The following SLCO2A1 variants were observed in gnomAD, a reference collection of about 807,000 sequenced individuals.
SLCO2A1 encodes the protein solute carrier organic anion transporter family member 2A1.
SLCO2A1 carries 60 observed loss-of-function variants against 71.7 expected under a neutral mutation model. The ratio of observed to expected loss-of-function variants is 0.84; its 90% CI spans 0.68 to 1.04. The LOEUF is 1.04. Among genes scored for constraint, SLCO2A1 ranks in the 50% least tolerant of loss-of-function variants. SLCO2A1 has a pLI of 0.00. For synonymous variants in SLCO2A1, 308 were observed against 326.7 expected, an observed-to-expected ratio of 0.94 and a Z score of 0.62; for missense variants, 745 against 813.4, an observed-to-expected ratio of 0.92 and a Z score of 1.02.
rs543786703 is a variant in SLCO2A1, at chr3:134,009,977, A to G, written c.96+19730T>C. ...AAAATGTGGGCAATGCATACCTCAC[A>G]GTATGGCAGGGAGGGTTTGGTCAGT... On this transcript the variant is annotated intron_variant, in intron 1 of 13. Coordinates refer to ENST00000310926, the MANE Select transcript of SLCO2A1 (RefSeq NM_005630.3). 3.3e-5 allele frequency among the ~76,000 whole-genome samples: 5 copies of G among 152,340 alleles called. No homozygotes were observed. The East Asian group carries it at 9.6e-4, about 29-fold the overall frequency.
intron 1 of SLCO2A1, among the ~76,000 whole-genome samples, chr3:133,988,451 G>GT (rs1398871606): frequency 6.6e-6 from 1 of 152,144 alleles, no homozygotes; most frequent in Admixed American, 6.5e-5. Flanking sequence ...CCAAACCAAT[G>GT]TATTTCTTGA....
chr3:133,935,857 G>A lies in SLCO2A1; in HGVS notation c.1731C>T (p.Asp577=), dbSNP rs1293225487. ...GCGAGTTCCACCGGATGCAGGAGTGGTCAATGGTGAGGCCATAGAGGGCTG... is the reference window on the plus strand; with the variant it reads ...GCGAGTTCCACCGGATGCAGGAGTGATCAATGGTGAGGCCATAGAGGGCTG... ...PSPALYGLTI[D]HSCIRWNSLC... is the part of the protein sequence containing the mutation. The change falls in exon 13 of 14, where the codon GAC becomes GAT. Residue 577 remains aspartate (D), a synonymous_variant. Coordinates refer to ENST00000310926, the MANE Select transcript of SLCO2A1 (RefSeq NM_005630.3). 2 of 1,610,862 alleles carry A rather than the reference G, an allele frequency of 1.2e-6. No individual in the cohort carries two copies. Among genetic ancestry groups the A allele is most frequent in the East Asian group, 2.2e-5 (1 of 44,850 alleles).
chr3:133,961,983 C>T (rs549188174), intron 3 of SLCO2A1, among the ~76,000 whole-genome samples: 3 of 152,356 alleles, frequency 2.0e-5, no homozygotes, highest in Non-Finnish European at 4.4e-5. Context: ...GTAGTGTGGG[C>T]TTCCCAGACA....
intron 11 of SLCO2A1, among the ~76,000 whole-genome samples, chr3:133,938,927 G>A (rs1004176830): frequency 1.3e-5 from 2 of 152,060 alleles, no homozygotes; most frequent in African/African-American, 2.4e-5. Context: ...GTTGATAGCA[G>A]CAGGTCTGAA....
intron 1 of SLCO2A1, among the ~76,000 whole-genome samples, chr3:134,015,607 A>T (rs1299625110): frequency 6.6e-6 from 1 of 152,338 alleles, no homozygotes; most frequent in South Asian, 2.1e-4. Context: ...ATAAAAAATG[A>T]TAGATAAGCG....
intron 1 of SLCO2A1, among the ~76,000 whole-genome samples, chr3:133,991,625 A>C (rs75842929): frequency 0.04 from 6,028 of 152,330 alleles, 329 homozygotes; most frequent in African/African-American, 0.13. Context: ...TATAAAAATC[A>C]GAACAATCTA....
At chr3:133,981,463 A>G (rs1285508072) in intron 1 of SLCO2A1, among the ~76,000 whole-genome samples, 1 of 152,174 alleles carries the variant, frequency 6.6e-6, no homozygotes, top group Admixed American at 6.5e-5. Flanking sequence ...TTGATTCAAA[A>G]TCACATGGAT....
chr3:133,951,465 C>T, intron 5 of SLCO2A1, 121 bp from the exon 6 acceptor site: 1 of 1,200,448 alleles, frequency 8.3e-7, no homozygotes, highest in Non-Finnish European at 1.2e-6. Flanking sequence ...AAGAGGCAAG[C>T]CATGAGCTAG....
intron 1 of SLCO2A1, among the ~76,000 whole-genome samples, chr3:134,011,418 G>T (rs970384319): frequency 6.6e-6 from 1 of 152,236 alleles, no homozygotes; most frequent in Non-Finnish European, 1.5e-5. Context: ...GAGGACTGAA[G>T]AAGAAGGAGG....
Position 133,934,845 on chromosome 3 carries a change from A to C in SLCO2A1, c.1815-15T>G, listed in dbSNP as rs376718231. The C allele has an allele frequency of 2.6e-5, 41 of 1,599,354 alleles. No homozygotes were observed. In the Middle Eastern group the frequency reaches 5.4e-4, roughly 21 times the overall value. ...GGCCCAGGTACCTGTGGGCAGGAGGAGGCAGGACTGGTGAGGGAGGGGGCT... is the reference window on the plus strand; with the variant it reads ...GGCCCAGGTACCTGTGGGCAGGAGGCGGCAGGACTGGTGAGGGAGGGGGCT... On this transcript the variant is annotated splice_polypyrimidine_tract_variant and intron_variant, in intron 13 of 13. Coordinates refer to ENST00000310926, the MANE Select transcript of SLCO2A1 (RefSeq NM_005630.3).
At chr3:133,964,170 T>C (rs748360982) in intron 3 of SLCO2A1, among the ~76,000 whole-genome samples, 1 of 152,180 alleles carries the variant, frequency 6.6e-6, no homozygotes, top group Non-Finnish European at 1.5e-5. Flanking sequence ...GTTGACAGTC[T>C]GGGGCACATT....
At chr3:134,028,767 C>T (rs1380228651) in intron 1 of SLCO2A1, among the ~76,000 whole-genome samples, 5 of 152,236 alleles carry the variant, frequency 3.3e-5, no homozygotes, top group Non-Finnish European at 7.3e-5. Context: ...TCTGCAGTCT[C>T]CCACATCCTC....
intron 5 of SLCO2A1, among the ~76,000 whole-genome samples, chr3:133,952,709 C>T (rs114003567): frequency 0.019 from 2,965 of 152,310 alleles, 101 homozygotes; most frequent in African/African-American, 0.067. Context: ...CGAACTCATA[C>T]TGTTGACTTC....
chr3:134,011,467 G>A (rs1576458908), intron 1 of SLCO2A1, among the ~76,000 whole-genome samples: 1 of 152,226 alleles, frequency 6.6e-6, no homozygotes, highest in African/African-American at 2.4e-5. Context: ...TGTGCGGAAG[G>A]CAGCGTCCTG....
chr3:133,996,137 CGAG>C (rs1934958694), intron 1 of SLCO2A1, among the ~76,000 whole-genome samples: 1 of 152,262 alleles, frequency 6.6e-6, no homozygotes, highest in South Asian at 2.1e-4. Flanking sequence ...GTGAACAGCC[CGAG>C]GAGGTTTCAT....
At chr3:134,013,169 A>G (rs909973365) in intron 1 of SLCO2A1, among the ~76,000 whole-genome samples, 1 of 152,218 alleles carries the variant, frequency 6.6e-6, no homozygotes, top group African/African-American at 2.4e-5. Flanking sequence ...AGATGTTTAC[A>G]GTAGACACTC....
chr3:133,942,550 G>A, intron 11 of SLCO2A1, 55 bp downstream of exon 11: 2 of 1,537,980 alleles, frequency 1.3e-6, no homozygotes, highest in Non-Finnish European at 8.8e-7. Context: ...AAAGTCAAAG[G>A]GAGATGTGGG....
intron 1 of SLCO2A1, among the ~76,000 whole-genome samples, chr3:133,981,172 G>A (rs1246580752): frequency 3.3e-5 from 5 of 152,184 alleles, no homozygotes; most frequent in Non-Finnish European, 7.3e-5. Flanking sequence ...CGCTTGGCAT[G>A]GACCAGATCT....
At chr3:134,015,480 A>G (rs1018118185) in intron 1 of SLCO2A1, among the ~76,000 whole-genome samples, 1 of 152,182 alleles carries the variant, frequency 6.6e-6, no homozygotes, top group African/African-American at 2.4e-5. Flanking sequence ...TCCAAGGTAC[A>G]AAGTTTCAGA....
Sources: gnomAD v4.1 joint callset for allele counts (sites outside exome capture counted in the v4.1 genomes callset) on GRCh38, gnomAD v4.1.1 for gene constraint, MANE v1.5 for transcripts, NCBI Gene and HGNC (gene_info 2026-07-23, HGNC 2026-07-21) for gene names.